Variants in PTPRR observed in about 807,000 individuals in gnomAD.
The protein encoded by PTPRR is receptor-type tyrosine-protein phosphatase R.
A neutral mutation model predicts 77.2 loss-of-function variants in PTPRR; 38 were observed. That is an observed-to-expected ratio of 0.49 (90% CI 0.38 to 0.65). The LOEUF (loss-of-function observed/expected upper bound fraction) is 0.65, where lower values mean the gene tolerates loss of function less well. Among genes scored for constraint, PTPRR ranks in the 30% least tolerant of loss-of-function variants. PTPRR has a pLI of 0.00. For synonymous variants in PTPRR, 299 were observed against 283.1 expected, an observed-to-expected ratio of 1.06 and a Z score of -0.57; for missense variants, 744 against 799.2, an observed-to-expected ratio of 0.93 and a Z score of 0.83.
At chr12:70,675,519 C>T (rs1222876339) in intron 10 of PTPRR, among the ~76,000 whole-genome samples, 1 of 151,988 alleles carries the variant, frequency 6.6e-6, no homozygotes, top group Non-Finnish European at 1.5e-5. Flanking sequence ...TTATATTTCT[C>T]TTTTCGTGAA....
At chr12:70,903,654 T>C (rs548017172) in intron 1 of PTPRR, among the ~76,000 whole-genome samples, 2 of 151,824 alleles carry the variant, frequency 1.3e-5, no homozygotes, top group African/African-American at 4.8e-5. Flanking sequence ...TAGAATAAAA[T>C]CTTTATTACC....
intron 2 of PTPRR, among the ~76,000 whole-genome samples, chr12:70,856,838 GGA>G (rs1050980679): frequency 2.6e-5 from 4 of 151,252 alleles, no homozygotes; most frequent in African/African-American, 4.9e-5. Context: ...GTGGAGTGGG[GGA>G]GAGAGGGGGA....
intron 2 of PTPRR, among the ~76,000 whole-genome samples, chr12:70,877,104 T>G (rs1893064521): frequency 6.6e-6 from 1 of 152,132 alleles, no homozygotes; most frequent in South Asian, 2.1e-4. Flanking sequence ...GACGTGCCAG[T>G]TGGCTCAACA....
chr12:70,811,371 A>G (rs1027803242), intron 2 of PTPRR, among the ~76,000 whole-genome samples: 4 of 152,206 alleles, frequency 2.6e-5, no homozygotes, highest in East Asian at 1.9e-4. Context: ...GACAGACATG[A>G]TATTTGTAGT....
intron 2 of PTPRR, among the ~76,000 whole-genome samples, chr12:70,825,397 C>T (rs1329502245): frequency 6.6e-6 from 1 of 152,152 alleles, no homozygotes; most frequent in East Asian, 1.9e-4. Flanking sequence ...CCAAGAGTGC[C>T]CACTCACAAT....
At chr12:70,652,866 G>A (rs539669421) in intron 13 of PTPRR, among the ~76,000 whole-genome samples, 17 of 152,336 alleles carry the variant, frequency 1.1e-4, no homozygotes, top group Admixed American at 2.0e-4. Context: ...GGAACCCAAG[G>A]TGGAGGTCAG....
intron 2 of PTPRR, among the ~76,000 whole-genome samples, chr12:70,872,698 A>AAAAAAAAAAAAAAC (rs1253086549): frequency 8.6e-5 from 8 of 93,408 alleles, no homozygotes; most frequent in African/African-American, 2.3e-4. Flanking sequence ...CTGTCTCAAA[A>AAAAAAAAAAAAAAC]AAAAAAAAAA....
At chr12:70,911,285 T>A (rs1460276769) in intron 1 of PTPRR, among the ~76,000 whole-genome samples, 2 of 152,052 alleles carry the variant, frequency 1.3e-5, no homozygotes, top group Non-Finnish European at 2.9e-5. Flanking sequence ...TATCAGTTGG[T>A]CAGTAGAGAA....
chr12:70,672,361 C>G (rs144655095), intron 10 of PTPRR: 2 of 1,407,852 alleles, frequency 1.4e-6, no homozygotes, highest in Non-Finnish European at 2.0e-6. Context: ...ATGAGATGGT[C>G]CTCCCATCAG....
chr12:70,700,624 C>T (rs1285758118), intron 7 of PTPRR, among the ~76,000 whole-genome samples: 1 of 152,134 alleles, frequency 6.6e-6, no homozygotes, highest in Non-Finnish European at 1.5e-5. Context: ...TTAGTTTAGG[C>T]CACCAACGCA....
At chr12:70,641,122 C>T (rs1885981861) in intron 13 of PTPRR, among the ~76,000 whole-genome samples, 2 of 152,134 alleles carry the variant, frequency 1.3e-5, no homozygotes, top group African/African-American at 4.8e-5. Context: ...AGCAGGTGTT[C>T]CGAAGATGCT....
chr12:70,658,514 G>T (rs889446564), intron 12 of PTPRR, among the ~76,000 whole-genome samples: 1 of 152,148 alleles, frequency 6.6e-6, no homozygotes, highest in Non-Finnish European at 1.5e-5. Context: ...TATTTTGGCT[G>T]TTATAACTGA....
chr12:70,877,212 G>A (rs1478586112), intron 2 of PTPRR, among the ~76,000 whole-genome samples: 1 of 152,154 alleles, frequency 6.6e-6, no homozygotes, highest in South Asian at 2.1e-4. Context: ...GCTGTGTGAT[G>A]CACAGCTCCA....
intron 1 of PTPRR, among the ~76,000 whole-genome samples, chr12:70,899,897 T>G (rs369420586): frequency 2.6e-5 from 4 of 151,566 alleles, no homozygotes; most frequent in East Asian, 1.9e-4. Flanking sequence ...GTTAGCAATG[T>G]ATAATTGAAA....
At chr12:70,860,216 T>G (rs547118097) in intron 2 of PTPRR, among the ~76,000 whole-genome samples, 1 of 152,222 alleles carries the variant, frequency 6.6e-6, no homozygotes, top group African/African-American at 2.4e-5. Context: ...AGAGTCAAAC[T>G]AAGGAAATGA....
At chr12:70,918,228 A>G (rs911753233) in intron 1 of PTPRR, among the ~76,000 whole-genome samples, 2 of 152,208 alleles carry the variant, frequency 1.3e-5, no homozygotes, top group Non-Finnish European at 2.9e-5. Flanking sequence ...GTGACCCACA[A>G]ATTGCTGTTT....
At chr12:70,650,299 C>T (rs565019070) in intron 13 of PTPRR, among the ~76,000 whole-genome samples, 93 of 151,944 alleles carry the variant, frequency 6.1e-4, no homozygotes, top group African/African-American at 1.8e-3. Context: ...AAAAATTAGC[C>T]GGGAGTAATC....
chr12:70,819,622 T>C (rs1276599220), intron 2 of PTPRR, among the ~76,000 whole-genome samples: 1 of 152,176 alleles, frequency 6.6e-6, no homozygotes, highest in African/African-American at 2.4e-5. Context: ...TTGGTCTTCA[T>C]GATATCTAGA....
intron 2 of PTPRR, among the ~76,000 whole-genome samples, chr12:70,792,636 A>G (rs7961287): frequency 7.6e-4 from 116 of 152,338 alleles, no homozygotes; most frequent in African/African-American, 2.6e-3. Flanking sequence ...AAATTCTCAT[A>G]TAGGGGATAG....
Sources: gnomAD v4.1 joint callset for allele counts (sites outside exome capture counted in the v4.1 genomes callset) on GRCh38, gnomAD v4.1.1 for gene constraint, MANE v1.5 for transcripts, NCBI Gene and HGNC (gene_info 2026-07-23, HGNC 2026-07-21) for gene names.